The following FANCI variants were observed in gnomAD, a reference collection of about 807,000 sequenced individuals.
The protein encoded by FANCI is FA complementation group I.
A neutral mutation model predicts 176.1 loss-of-function variants in FANCI; 156 were observed. The observed-to-expected ratio is 0.89, with a 90% CI of 0.78 to 1.01. The LOEUF is 1.01. Among genes scored for constraint, FANCI ranks in the 50% least tolerant of loss-of-function variants. The pLI is 0.00. For missense variants in FANCI, 1,678 were observed against 1,534.1 expected, an observed-to-expected ratio of 1.09 and a Z score of -1.57; for synonymous variants, 613 against 541.7, an observed-to-expected ratio of 1.13 and a Z score of -1.83.
In FANCI at chr15:89,260,822, C is replaced by A; in HGVS notation, c.267C>A (p.Ile89=). 6.2e-7 allele frequency: 1 copy of A among 1,613,784 alleles called. No individual in the cohort carries two copies. The highest frequency in any genetic ancestry group is 1.1e-5 in the South Asian group (1 of 91,052). ...GDLQKEIASE[I]IGLLMLEAHH... is the part of the protein sequence containing the mutation. ...TGCAGAAAGAAATAGCGTCTGAGAT[C>A]ATAGGATTACTGATGCTGGAGGTAA... The change falls in exon 4 of 38, where the codon ATC becomes ATA. Residue 89 remains isoleucine (I), a synonymous_variant. Transcript: ENST00000310775.
intron 24 of FANCI, among the ~76,000 whole-genome samples, chr15:89,296,344 G>A (rs1486077552): frequency 1.3e-5 from 2 of 151,942 alleles, no homozygotes; most frequent in African/African-American, 4.8e-5. Flanking sequence ...CTGGGCTCAA[G>A]CGATACGCCC....
chr15:89,303,170 G>A lies in FANCI; in HGVS notation c.3007-694G>A, dbSNP rs2054588371. ...TCTGAAGATCTTTTAATATCAGTTT[G>A]TAGAGAGCTTTCAGTTAGCCTCTTA... On this transcript the variant is annotated intron_variant, in intron 27 of 37. Transcript: ENST00000310775. Among the ~76,000 whole-genome samples, 3 of 152,166 alleles carry A rather than the reference G, an allele frequency of 2.0e-5. No homozygotes were observed. In the South Asian group the frequency reaches 6.2e-4, roughly 32 times the overall value.
At chr15:89,248,673 T>C (rs2052097705) in intron 2 of FANCI, among the ~76,000 whole-genome samples, 1 of 152,210 alleles carries the variant, frequency 6.6e-6, no homozygotes, top group Non-Finnish European at 1.5e-5. Flanking sequence ...TGCCTCAAAT[T>C]GAAGGCGTGA....
In FANCI at chr15:89,263,851, A is replaced by G. The variant is rs1216581161; in HGVS notation, c.546-52A>G. The G allele has an allele frequency of 1.3e-5, 21 of 1,611,506 alleles. No homozygotes were observed. The South Asian group carries it at 2.0e-4, about 15-fold the overall frequency. On this transcript the variant is annotated intron_variant, in intron 7 of 37. Transcript: ENST00000310775. ...TGTAAAGCCCTGAATTGAATTTCTGAAAACAAGGCAGTTAGACACTGTCTA... is the reference window on the plus strand; with the variant it reads ...TGTAAAGCCCTGAATTGAATTTCTGGAAACAAGGCAGTTAGACACTGTCTA...
Position 89,281,852 on chromosome 15 carries a change from T to C in FANCI, c.1583+17T>C. The C allele has an allele frequency of 6.2e-7, 1 of 1,611,362 alleles. No homozygotes were observed. Reference sequence around the variant, plus strand: ...GTTTGCCAAGTATGTAGCATCTTTTTCTATCATAGGAAGACGTTGTCTTCT... The same window carrying C: ...GTTTGCCAAGTATGTAGCATCTTTTCCTATCATAGGAAGACGTTGTCTTCT... On this transcript the variant is annotated intron_variant, in intron 16 of 37. Transcript: ENST00000310775.
chr15:89,316,251 A>T (rs757586048), intron 37 of FANCI, 146 bp from the exon 38 acceptor site: 29 of 810,954 alleles, frequency 3.6e-5, no homozygotes, highest in Non-Finnish European at 5.8e-5. Flanking sequence ...TCAACAACAT[A>T]ATTACCTCCT....
In FANCI at chr15:89,274,097, CTTTCA is replaced by C. The variant is rs1370182662; in HGVS notation, c.976-68_976-64del. The stretch of plus-strand genomic sequence containing the variant: ...TAATATTTGCTTTATTTTCTTATTT[CTTTCA>C]TTCTGTTAGGTGCTTGATCTTTTAT... On this transcript the variant is annotated intron_variant, in intron 11 of 37. Transcript: ENST00000310775. 1.0e-5 allele frequency: 12 copies of C among 1,189,722 alleles called. 1 individual carries two copies. Among genetic ancestry groups the C allele is most frequent in the African/African-American group, 3.1e-5 (2 of 64,726 alleles). 73.7% of individuals were successfully genotyped at this position (1,189,722 alleles called of 1,614,324 possible).
At chr15:89,270,632 C>G (rs2053165264) in intron 10 of FANCI, among the ~76,000 whole-genome samples, 1 of 151,996 alleles carries the variant, frequency 6.6e-6, no homozygotes, top group South Asian at 2.1e-4. Context: ...TAAAAAGAGC[C>G]TCTCCTTTCC....
At chr15:89,257,511 T>C (rs1302421049) in intron 2 of FANCI, among the ~76,000 whole-genome samples, 3 of 152,196 alleles carry the variant, frequency 2.0e-5, no homozygotes, top group Non-Finnish European at 4.4e-5. Context: ...ACCTTTAGCA[T>C]TCCTTGGCTT....
chr15:89,263,830 A>C, intron 7 of FANCI, 73 bp from the exon 8 acceptor site: 1 of 1,568,914 alleles, frequency 6.4e-7, no homozygotes, highest in Admixed American at 1.7e-5. Flanking sequence ...AACCACTGTA[A>C]AGCCCTGAAT....
intron 18 of FANCI, among the ~76,000 whole-genome samples, chr15:89,286,875 A>AAATCTG (rs1214781590): frequency 6.6e-6 from 1 of 151,754 alleles, no homozygotes; most frequent in African/African-American, 2.4e-5. Context: ...TCTACATTGA[A>AAATCTG]AATCTGTTGT....
At chr15:89,303,079 C>T (rs778719848) in intron 27 of FANCI, among the ~76,000 whole-genome samples, 3 of 152,132 alleles carry the variant, frequency 2.0e-5, no homozygotes, top group Non-Finnish European at 4.4e-5. Context: ...GAGTTTTATT[C>T]CCAATCCTAC....
chr15:89,286,059 C>G (rs2053803880), intron 18 of FANCI, among the ~76,000 whole-genome samples: 1 of 152,040 alleles, frequency 6.6e-6, no homozygotes, highest in Non-Finnish European at 1.5e-5. Flanking sequence ...TCTCGGTTCA[C>G]TGCAGCCTCC....
chr15:89,301,631 A>G (rs572516065), intron 27 of FANCI, among the ~76,000 whole-genome samples, 189 bp downstream of exon 27: 1 of 152,344 alleles, frequency 6.6e-6, no homozygotes, highest in Admixed American at 6.5e-5. Flanking sequence ...CTACCACAGC[A>G]TACTTACATG....
chr15:89,287,615 C>T (rs80328660), intron 18 of FANCI, among the ~76,000 whole-genome samples: 4,678 of 152,262 alleles, frequency 0.031, 248 homozygotes, highest in African/African-American at 0.1. Flanking sequence ...TTTGACTTGC[C>T]TCAGCTTGTA....
rs750999079 is a variant in FANCI at position 89,285,113 on chromosome 15, C to T, written c.1716C>T (p.His572=). Residue 572 remains histidine, a synonymous_variant, in exon 18 of 38, where the codon CAC becomes CAT. Transcript: ENST00000310775. The stretch of plus-strand genomic sequence containing the variant: ...CCTTTCAGGTTCATGTGGATGTTCA[C>T]AGCCATTACAATTCTGTCGCCAATG... ...LSVSQVHVDV[H]SHYNSVANET... 4 of 1,613,978 alleles carry T rather than the reference C, an allele frequency of 2.5e-6. No individual in the cohort carries two copies. In the African/African-American group the frequency reaches 4.0e-5, roughly 16 times the overall value.
In FANCI at chr15:89,309,084, T is replaced by G. The variant is rs545167551; in HGVS notation, c.3651+1412T>G. 9.2e-5 allele frequency among the ~76,000 whole-genome samples: 14 copies of G among 152,306 alleles called. No individual in the cohort carries two copies. In the South Asian group the frequency reaches 2.5e-3, roughly 27 times the overall value. On this transcript the variant is annotated intron_variant, in intron 34 of 37. Transcript: ENST00000310775. ...TCAGTTTTGTGATCTGGGTCAGGAA[T>G]GCATCATCCATTTTCTATATCCAGC... is the stretch of plus-strand genomic sequence containing the variant.
intron 19 of FANCI, 138 bp downstream of exon 19, chr15:89,290,419 T>G: frequency 1.4e-6 from 1 of 717,502 alleles, no homozygotes; most frequent in African/African-American, 1.7e-5. Context: ...GTGGGTATGT[T>G]ATGCTGTTCT....
At chr15:89,279,535 G>A (rs887193355) in intron 14 of FANCI, among the ~76,000 whole-genome samples, 2 of 152,068 alleles carry the variant, frequency 1.3e-5, no homozygotes, top group East Asian at 1.9e-4. Context: ...AAATTTCTCC[G>A]TGTCATTCAT....
Sources: allele counts gnomAD v4.1 joint callset (sites outside exome capture counted in the v4.1 genomes callset), GRCh38; gene constraint gnomAD v4.1.1; transcripts MANE v1.5; gene names NCBI Gene and HGNC (gene_info 2026-07-23, HGNC 2026-07-21).